SLC12A5: variants seen among roughly 807,000 people sequenced by gnomAD.
The protein encoded by SLC12A5 is solute carrier family 12 member 5.
A neutral mutation model predicts 124.0 loss-of-function variants in SLC12A5; 18 were observed. The observed-to-expected ratio is 0.15, with a 90% CI of 0.10 to 0.22. The LOEUF (loss-of-function observed/expected upper bound fraction) is 0.22, where lower values mean the gene tolerates loss of function less well. Among genes scored for constraint, SLC12A5 ranks in the 10% least tolerant of loss-of-function variants. The pLI, the probability that SLC12A5 is intolerant of heterozygous loss-of-function variation, is 1.00. For missense variants in SLC12A5, 867 were observed against 1,478.7 expected, an observed-to-expected ratio of 0.59 and a Z score of 6.78; for synonymous variants, 589 against 568.0, an observed-to-expected ratio of 1.04 and a Z score of -0.53.
chr20:46,029,205 G>A, upstream of SLC12A5: 1 of 1,435,828 alleles, frequency 7.0e-7, no homozygotes, highest in South Asian at 1.5e-5. Context: ...TGTGCGCCGG[G>A]CGGGCGGGCA....
At position 46,059,460 on chromosome 20, in the gene SLC12A5, AGTAGACC is replaced by A. The variant is rs1387299379; in HGVS notation, c.*1856_*1862del. Reference sequence around the variant, plus strand: ...TAGACACCAGCCCCCTGCATCCTTCAGTAGACCTCCCTCTGAACACCACAGCCAGGTC... The same window carrying A: ...TAGACACCAGCCCCCTGCATCCTTCATCCCTCTGAACACCACAGCCAGGTC... On this transcript the variant is annotated 3_prime_UTR_variant, in exon 26 of 26. Coordinates refer to ENST00000243964, the MANE Select transcript of SLC12A5 (RefSeq NM_020708.5). The A allele has an allele frequency of 2.5e-6, 1 of 398,284 alleles. No individual in the cohort carries two copies. The highest frequency in any genetic ancestry group is 2.1e-5 in the African/African-American group (1 of 48,636). 24.7% of individuals were successfully genotyped at this position (398,284 alleles called of 1,614,324 possible).
intron 6 of SLC12A5, among the ~76,000 whole-genome samples, chr20:46,038,541 G>A (rs1188458290): frequency 2.0e-5 from 3 of 152,168 alleles, no homozygotes; most frequent in African/African-American, 7.2e-5. Flanking sequence ...TTTAAGGAAC[G>A]AATGGAAGGA....
chr20:46,039,338 CACAT>C (rs1309809233), intron 6 of SLC12A5, among the ~76,000 whole-genome samples: 1 of 152,158 alleles, frequency 6.6e-6, no homozygotes, highest in Non-Finnish European at 1.5e-5. Context: ...CTTATGAAAA[CACAT>C]ACAGACGTAT....
At chr20:46,029,006 C>T, upstream of SLC12A5, 1 of 586,056 alleles carries the variant, frequency 1.7e-6, no homozygotes, top group Non-Finnish European at 2.4e-6. Flanking sequence ...CACGCAATCC[C>T]CCAGTTTTTG....
intron 1 of SLC12A5, chr20:46,022,207 G>T (rs184814527): frequency 5.7e-5 from 15 of 262,844 alleles, no homozygotes; most frequent in Non-Finnish European, 1.0e-4. Flanking sequence ...AGAGTAGGCC[G>T]TAGGGCACTA....
At chr20:46,032,692 A>T (rs921734889) in intron 1 of SLC12A5, among the ~76,000 whole-genome samples, 1 of 152,224 alleles carries the variant, frequency 6.6e-6, no homozygotes, top group Admixed American at 6.5e-5. Flanking sequence ...TGGGACTGGA[A>T]TGTCAGTTTC....
chr20:46,046,249 C>T (rs1324879814), intron 13 of SLC12A5, 89 bp from the exon 14 acceptor site: 5 of 1,229,256 alleles, frequency 4.1e-6, no homozygotes, highest in Non-Finnish European at 5.9e-6. Flanking sequence ...ACTTCCTGTC[C>T]CCTTTCCCCC....
rs547681061 is a variant in SLC12A5, at chr20:46,039,497, G to A, written c.613-876G>A. Among the ~76,000 whole-genome samples the A allele has an allele frequency of 8.5e-5, 13 of 152,224 alleles. 1 individual carries two copies. The South Asian group carries it at 1.2e-3, about 15-fold the overall frequency. On this transcript the variant is annotated intron_variant, in intron 6 of 25. Transcript: ENST00000243964. ...CCATATAAATCTATGTCATCTGGCC[G>A]GGCACAGTGGCTCATGCCTGTAATC...
At chr20:46,041,097 A>T (rs1486917881) in intron 7 of SLC12A5, 5 of 483,228 alleles carry the variant, frequency 1.0e-5, no homozygotes, top group Admixed American at 6.9e-5. Flanking sequence ...GTGCTGAAAC[A>T]CAGCATTGCA....
At position 46,056,093 on chromosome 20, in the gene SLC12A5, G is replaced by T. The variant is rs1488138631; in HGVS notation, c.2788-57G>T. 1.2e-6 allele frequency: 2 copies of T among 1,604,366 alleles called. No homozygotes were observed. Among genetic ancestry groups the T allele is most frequent in the Non-Finnish European group, 1.7e-6 (2 of 1,175,222 alleles). ...ACATCATCTCTGGTGATAGCTCTTTGCAGGGCATGGGTGGTGACTCCCAGC... is the reference window on the plus strand; with the variant it reads ...ACATCATCTCTGGTGATAGCTCTTTTCAGGGCATGGGTGGTGACTCCCAGC... On this transcript the variant is annotated intron_variant, in intron 21 of 25. Transcript: ENST00000243964. The surrounding 1 kb of genome is among the most constrained non-coding windows in gnomAD (Gnocchi z 4.3).
chr20:46,051,417 GGGGCTGTATGAGCAGT>G (rs936572794), intron 17 of SLC12A5, among the ~76,000 whole-genome samples: 2 of 152,126 alleles, frequency 1.3e-5, no homozygotes, highest in Non-Finnish European at 2.9e-5. Context: ...GTCGGGCAGG[GGGGCTGTATGAGCAGT>G]GGGAGGGTGG....
intron 1 of SLC12A5, among the ~76,000 whole-genome samples, chr20:46,033,074 T>C (rs1008252496): frequency 6.6e-6 from 1 of 152,034 alleles, no homozygotes; most frequent in Non-Finnish European, 1.5e-5. Context: ...GACTGGGTGG[T>C]GGGTTTCTTT....
chr20:46,058,137 T>C lies in SLC12A5; in HGVS notation c.*532T>C. On this transcript the variant is annotated 3_prime_UTR_variant, in exon 26 of 26. Coordinates refer to ENST00000243964, the MANE Select transcript of SLC12A5 (RefSeq NM_020708.5). This position sits in a 1 kb window ranked among gnomAD's most constrained non-coding sequence, Gnocchi z 5.8. ...GCCTATACATAGTGTACAGGAGACA[T>C]CGCGTGTATTTTTAACGTCCCCATA... 5.0e-6 allele frequency: 1 copy of C among 199,320 alleles called. No individual in the cohort carries two copies. Among genetic ancestry groups the C allele is most frequent in the Non-Finnish European group, 1.0e-5 (1 of 99,348 alleles). 12.3% of individuals were successfully genotyped at this position (199,320 alleles called of 1,614,324 possible). A position where few individuals can be genotyped will look rare whatever the true frequency, so the allele number is the denominator to read the frequency against.
rs1205973912 is a variant in SLC12A5, at chr20:46,052,947, C to G, written c.2378-10C>G. 6.2e-7 allele frequency: 1 copy of G among 1,600,798 alleles called. No homozygotes were observed. Among genetic ancestry groups the G allele is most frequent in the Non-Finnish European group, 8.5e-7 (1 of 1,169,872 alleles). ...TTTCCCCCTCTGGCCCTCTCCTTGG[C>G]CTCCCTCAGAGCTGGTCCGGGAAAC... On this transcript the variant is annotated splice_polypyrimidine_tract_variant and intron_variant, in intron 18 of 25. Coordinates refer to ENST00000243964, the MANE Select transcript of SLC12A5 (RefSeq NM_020708.5).
At chr20:46,044,310 A>G (rs544066361) in intron 11 of SLC12A5, among the ~76,000 whole-genome samples, 4 of 152,104 alleles carry the variant, frequency 2.6e-5, no homozygotes, top group South Asian at 4.2e-4. Flanking sequence ...TTTGTACTGA[A>G]GGAGCTCTTC....
In SLC12A5 at chr20:46,059,602, G is replaced by C. The variant is rs2084733345; in HGVS notation, c.*1997G>C. On this transcript the variant is annotated 3_prime_UTR_variant, in exon 26 of 26. Coordinates refer to ENST00000243964, the MANE Select transcript of SLC12A5 (RefSeq NM_020708.5). ...AAGTTGCACTATCTGGGCCCAGATT[G>C]TCTGGTTGGCAAGAGCAAAGTTTCC... The C allele has an allele frequency of 7.5e-6, 3 of 398,948 alleles. No individual in the cohort carries two copies. The highest frequency in any genetic ancestry group is 1.3e-5 in the Non-Finnish European group (3 of 226,076). 24.7% of individuals were successfully genotyped at this position (398,948 alleles called of 1,614,324 possible).
chr20:46,056,880 T>A lies in SLC12A5; in HGVS notation c.3111-17T>A. ...CTCTTTTTCTTTCTCTCTTTGCATC[T>A]CTTGTGTTTCCTGAAGGGAGTGGGA... On this transcript the variant is annotated splice_polypyrimidine_tract_variant and intron_variant, in intron 23 of 25. Transcript: ENST00000243964. The surrounding 1 kb of genome is among the most constrained non-coding windows in gnomAD (Gnocchi z 4.3). 6.2e-7 allele frequency: 1 copy of A among 1,613,520 alleles called. No individual in the cohort carries two copies. Among genetic ancestry groups the A allele is most frequent in the Non-Finnish European group, 8.5e-7 (1 of 1,179,468 alleles).
At chr20:46,038,512 A>G (rs1390540558) in intron 6 of SLC12A5, among the ~76,000 whole-genome samples, 1 of 152,220 alleles carries the variant, frequency 6.6e-6, no homozygotes, top group Non-Finnish European at 1.5e-5. Context: ...TTTACAGATG[A>G]GGAAAGCAAG....
At chr20:46,028,171 C>A (rs1310082443), upstream of SLC12A5, among the ~76,000 whole-genome samples, 1 of 152,146 alleles carries the variant, frequency 6.6e-6, no homozygotes, top group Non-Finnish European at 1.5e-5. Flanking sequence ...GGACAGAGAG[C>A]ATGTCGGCTC....
Sources: allele counts gnomAD v4.1 joint callset (sites outside exome capture counted in the v4.1 genomes callset), GRCh38; gene constraint gnomAD v4.1.1; non-coding constraint Gnocchi (gnomAD v3.1); transcripts MANE v1.5; gene names NCBI Gene and HGNC (gene_info 2026-07-23, HGNC 2026-07-21).